Variants in FBXO10 observed in about 807,000 individuals in gnomAD.
The protein encoded by FBXO10 is F-box only protein 10.
A neutral mutation model predicts 80.7 loss-of-function variants in FBXO10; 39 were observed. The observed-to-expected ratio is 0.48, with a 90% CI of 0.37 to 0.63. The LOEUF is 0.63. Ranked by LOEUF, FBXO10 falls within the 30% of genes least tolerant of loss-of-function variation. The pLI, the probability that FBXO10 is intolerant of heterozygous loss-of-function variation, is 0.00. For synonymous variants in FBXO10, 449 were observed against 489.6 expected (o/e 0.92, Z 1.09); for missense variants, 1,025 against 1,269.0 (o/e 0.81, Z 2.92).
At chr9:37,555,513 T>A (rs1184035023) in intron 1 of FBXO10, among the ~76,000 whole-genome samples, 19 of 152,068 alleles carry the variant, frequency 1.2e-4, no homozygotes, top group Admixed American at 1.2e-3. Context: ...CCCGAGTAGC[T>A]GGGATTACAG....
At chr9:37,566,499 G>C (rs1822611445) in intron 1 of FBXO10, among the ~76,000 whole-genome samples, 1 of 150,704 alleles carries the variant, frequency 6.6e-6, no homozygotes, top group Non-Finnish European at 1.5e-5. Context: ...ATCAAGGGCT[G>C]CTCAGAACCC....
At chr9:37,562,123 C>T (rs529839205) in intron 1 of FBXO10, among the ~76,000 whole-genome samples, 1 of 152,186 alleles carries the variant, frequency 6.6e-6, no homozygotes, top group Non-Finnish European at 1.5e-5. Flanking sequence ...GTCTGTACTC[C>T]CACTGCTTCT....
chr9:37,522,621 C>T, intron 7 of FBXO10: 1 of 1,249,018 alleles, frequency 8.0e-7, no homozygotes, highest in East Asian at 2.7e-5. Flanking sequence ...GCTTTGCTAA[C>T]CCCACGGGGT....
At chr9:37,556,836 C>T (rs1822349237) in intron 1 of FBXO10, among the ~76,000 whole-genome samples, 1 of 152,198 alleles carries the variant, frequency 6.6e-6, no homozygotes, top group Admixed American at 6.5e-5. Flanking sequence ...TGAGCCACCG[C>T]ATCCAGCCTG....
intron 1 of FBXO10, among the ~76,000 whole-genome samples, chr9:37,553,214 G>T (rs1236869317): frequency 6.6e-6 from 1 of 151,826 alleles, no homozygotes; most frequent in Non-Finnish European, 1.5e-5. Flanking sequence ...GCTAATTTTT[G>T]TATTTTTAGT....
chr9:37,512,700 C>T lies in FBXO10; in HGVS notation c.2718G>A (p.Val906=), dbSNP rs901979946. Residue 906 remains valine (V), a synonymous_variant, in exon 11 of 11, where the codon GTG becomes GTA. Transcript: ENST00000432825. ...CAAGGTGGGGCCGTGCTGGTGGGTTCACCAGGCGCCACGTATCAGACCTGG... is the reference window on the plus strand; with the variant it reads ...CAAGGTGGGGCCGTGCTGGTGGGTTTACCAGGCGCCACGTATCAGACCTGG... The part of the protein sequence containing the change: ...FKKKSDTWRL[V]NPPARPHLEN... 6.2e-7 allele frequency: 1 copy of T among 1,613,712 alleles called. No homozygotes were observed. The highest frequency in any genetic ancestry group is 8.5e-7 in the Non-Finnish European group (1 of 1,179,826).
At chr9:37,531,881 C>T in intron 4 of FBXO10, 28 bp downstream of exon 4, 2 of 1,610,156 alleles carry the variant, frequency 1.2e-6, no homozygotes, top group Non-Finnish European at 8.5e-7. Context: ...CCAAGAGTCA[C>T]CCTGAATAGG....
At position 37,537,627 on chromosome 9, in the gene FBXO10, T is replaced by A; in HGVS notation, c.902A>T (p.Asp301Val). 6.2e-7 allele frequency: 1 copy of A among 1,613,998 alleles called. No homozygotes were observed. The highest frequency in any genetic ancestry group is 8.5e-7 in the Non-Finnish European group (1 of 1,179,888). ...ACAGGTCTTTGGGCTCCAGGCCTGG[T>A]CCCGGCTCTCTAGGTCCAGGGACAT... ...FLMSLDLESR[D>V]QAWSPKTCDI... Residue 301 changes from aspartate (D) to valine (V), a missense_variant, in exon 3 of 11, where the codon GAC becomes GTC. By Grantham distance (152) the Asp-to-Val change is radical (BLOSUM62 -3). Around this residue, in one of 3 missense-constraint regions of FBXO10, gnomAD observed 450 missense variants for 499.4 expected, o/e 0.90. Coordinates refer to ENST00000432825, the MANE Select transcript of FBXO10 (RefSeq NM_012166.3).
intron 10 of FBXO10, among the ~76,000 whole-genome samples, chr9:37,514,210 A>T (rs1205283632): frequency 6.6e-6 from 1 of 152,236 alleles, no homozygotes; most frequent in African/African-American, 2.4e-5. Context: ...CTATGTTGGG[A>T]GGACTGTATG....
chr9:37,569,804 C>T (rs1743927066), intron 1 of FBXO10, among the ~76,000 whole-genome samples: 1 of 152,076 alleles, frequency 6.6e-6, no homozygotes, highest in Non-Finnish European at 1.5e-5. Context: ...CACTGTACTC[C>T]AATGTGGGAG....
intron 3 of FBXO10, among the ~76,000 whole-genome samples, chr9:37,533,525 G>A (rs771660547): frequency 3.3e-5 from 5 of 150,450 alleles, no homozygotes; most frequent in Admixed American, 6.6e-5. Context: ...CAGCCTGGGC[G>A]ACAGAGTGAG....
At chr9:37,523,920 T>C (rs1319600744) in intron 6 of FBXO10, among the ~76,000 whole-genome samples, 1 of 152,018 alleles carries the variant, frequency 6.6e-6, no homozygotes, top group African/African-American at 2.4e-5. Flanking sequence ...AAATTCCGTC[T>C]CAAAAAAAAT....
chr9:37,570,246 G>A lies in FBXO10; in HGVS notation c.-7+5965C>T, dbSNP rs138067673. Among the ~76,000 whole-genome samples the A allele has an allele frequency of 4.9e-3, 744 of 152,164 alleles. 6 individuals are homozygous for A. Among genetic ancestry groups the A allele is most frequent in the African/African-American group, 0.017 (707 of 41,534 alleles). ...GGATAATCCCTTGAACCCGGGAGGT[G>A]GAGGTTGCAGTGAGCCGAGATTGTG... On this transcript the variant is annotated intron_variant, in intron 1 of 10. Transcript: ENST00000432825.
intron 1 of FBXO10, among the ~76,000 whole-genome samples, chr9:37,558,722 T>G (rs904996397): frequency 1.3e-5 from 2 of 152,144 alleles, no homozygotes; most frequent in African/African-American, 4.8e-5. Flanking sequence ...CATTAGGTGA[T>G]AGCAACCATT....
intron 8 of FBXO10, among the ~76,000 whole-genome samples, chr9:37,519,743 G>A (rs1423690396): frequency 6.6e-6 from 1 of 152,196 alleles, no homozygotes; most frequent in Non-Finnish European, 1.5e-5. Context: ...AAGTGGGTTG[G>A]GGCTGCTGGT....
chr9:37,560,843 T>TA (rs1160765992), intron 1 of FBXO10, among the ~76,000 whole-genome samples: 2 of 152,062 alleles, frequency 1.3e-5, no homozygotes, highest in Admixed American at 1.3e-4. Context: ...GTTTTTTGAT[T>TA]AAAAAAACTT....
chr9:37,569,446 CTT>C (rs1231466925), intron 1 of FBXO10, among the ~76,000 whole-genome samples: 1 of 143,508 alleles, frequency 7.0e-6, no homozygotes, highest in African/African-American at 2.5e-5. Flanking sequence ...CATAATTATA[CTT>C]GGATATTTAA....
intron 1 of FBXO10, among the ~76,000 whole-genome samples, chr9:37,559,837 G>A (rs746143611): frequency 7.9e-5 from 12 of 152,200 alleles, no homozygotes; most frequent in Non-Finnish European, 1.6e-4. Context: ...CAGAGATCCC[G>A]ACCAAGCCAA....
chr9:37,566,476 A>AG (rs1287976503), intron 1 of FBXO10, among the ~76,000 whole-genome samples: 8 of 149,644 alleles, frequency 5.3e-5, no homozygotes, highest in African/African-American at 2.0e-4. Flanking sequence ...AAAAAAAAAA[A>AG]GTGGAAAAAA....
Sources: gnomAD v4.1 joint callset for allele counts (sites outside exome capture counted in the v4.1 genomes callset) on GRCh38, gnomAD v4.1.1 for gene constraint, gnomAD v4.1.1 regional missense constraint, MANE v1.5 for transcripts, NCBI Gene and HGNC (gene_info 2026-07-23, HGNC 2026-07-21) for gene names.